The following SLC35F1 variants were observed in gnomAD, a reference collection of about 807,000 sequenced individuals.
SLC35F1 encodes the protein chromosome 6 open reading frame 169.
SLC35F1 carries 14 observed loss-of-function variants against 48.7 expected under a neutral mutation model. The ratio of observed to expected loss-of-function variants is 0.29; its 90% CI spans 0.19 to 0.45. The LOEUF is 0.45. Ranked by LOEUF, SLC35F1 falls within the 20% of genes least tolerant of loss-of-function variation. The pLI, the probability that SLC35F1 is intolerant of heterozygous loss-of-function variation, is 1.00. For synonymous variants in SLC35F1, 190 were observed against 202.2 expected (o/e 0.94, Z 0.51); for missense variants, 404 against 500.0 (o/e 0.81, Z 1.83).
intron 1 of SLC35F1, among the ~76,000 whole-genome samples, chr6:118,009,283 T>A (rs1376684729): frequency 6.6e-6 from 1 of 152,168 alleles, no homozygotes; most frequent in Non-Finnish European, 1.5e-5. Flanking sequence ...AAGATGGTGG[T>A]ACTCTTTAAT....
chr6:118,196,095 A>G (rs1009480445), intron 2 of SLC35F1, among the ~76,000 whole-genome samples: 2 of 152,212 alleles, frequency 1.3e-5, no homozygotes, highest in Non-Finnish European at 1.5e-5. Flanking sequence ...AAAAAAGTAA[A>G]GTGACGTATG....
intron 1 of SLC35F1, among the ~76,000 whole-genome samples, chr6:118,147,340 A>G (rs535513393): frequency 2.0e-5 from 3 of 152,284 alleles, no homozygotes; most frequent in African/African-American, 7.2e-5. Context: ...AGCATGAGAT[A>G]CACAGCCTGG....
At chr6:118,190,967 TAA>T (rs1317678056) in intron 2 of SLC35F1, among the ~76,000 whole-genome samples, 1 of 152,192 alleles carries the variant, frequency 6.6e-6, no homozygotes, top group African/African-American at 2.4e-5. Flanking sequence ...CAAGAGAATT[TAA>T]AGTCTGTTGT....
chr6:118,091,567 C>T (rs1389823029), intron 1 of SLC35F1, among the ~76,000 whole-genome samples: 1 of 152,138 alleles, frequency 6.6e-6, no homozygotes, highest in Non-Finnish European at 1.5e-5. Context: ...CATCTTTTTC[C>T]TGATAAATTA....
At chr6:118,260,255 G>A (rs1775695702) in intron 3 of SLC35F1, among the ~76,000 whole-genome samples, 1 of 152,062 alleles carries the variant, frequency 6.6e-6, no homozygotes. Flanking sequence ...AGTGGGTATG[G>A]AGTTTCTTTT....
At chr6:118,031,830 GT>G (rs1467335841) in intron 1 of SLC35F1, among the ~76,000 whole-genome samples, 1 of 152,144 alleles carries the variant, frequency 6.6e-6, no homozygotes, top group Non-Finnish European at 1.5e-5. Flanking sequence ...GGGTCATCGG[GT>G]CATTGCTATG....
intron 1 of SLC35F1, among the ~76,000 whole-genome samples, chr6:117,933,068 T>C (rs1282296503): frequency 6.6e-6 from 1 of 152,228 alleles, no homozygotes; most frequent in Non-Finnish European, 1.5e-5. Context: ...CACAAAGACT[T>C]CTGATGCTCA....
intron 6 of SLC35F1, among the ~76,000 whole-genome samples, chr6:118,282,055 A>T (rs548800058): frequency 9.2e-5 from 14 of 152,360 alleles, no homozygotes; most frequent in African/African-American, 3.4e-4. Flanking sequence ...AGAACATTCC[A>T]AGAGGAAATG....
At chr6:118,070,991 C>CGTGT (rs375445061) in intron 1 of SLC35F1, among the ~76,000 whole-genome samples, 352 of 7,294 alleles carry the variant, frequency 0.048, 24 homozygotes, top group African/African-American at 0.15. Context: ...ATATATTCTA[C>CGTGT]GTGTGTGTAT....
chr6:118,085,831 GATTTGGGGCCTAA>G (rs1224303694), intron 1 of SLC35F1, among the ~76,000 whole-genome samples: 2 of 152,078 alleles, frequency 1.3e-5, no homozygotes, highest in Non-Finnish European at 2.9e-5. Flanking sequence ...TTGATGGATG[GATTTGGGGCCTAA>G]ATTATCCTGA....
At chr6:118,199,301 G>C (rs893252324) in intron 2 of SLC35F1, among the ~76,000 whole-genome samples, 1 of 152,086 alleles carries the variant, frequency 6.6e-6, no homozygotes, top group Non-Finnish European at 1.5e-5. Flanking sequence ...AGGTCATCTG[G>C]GGACTTGTAC....
At chr6:117,936,409 C>G (rs911983795) in intron 1 of SLC35F1, among the ~76,000 whole-genome samples, 4 of 152,110 alleles carry the variant, frequency 2.6e-5, no homozygotes, top group African/African-American at 9.7e-5. Context: ...AATTACTGGC[C>G]CACTTCCCTA....
At chr6:118,136,714 T>A (rs767641476) in intron 1 of SLC35F1, among the ~76,000 whole-genome samples, 4 of 152,192 alleles carry the variant, frequency 2.6e-5, no homozygotes, top group Non-Finnish European at 4.4e-5. Context: ...TATTCTGGGA[T>A]TGTCAATGGA....
At chr6:118,256,049 C>T (rs987694299) in intron 3 of SLC35F1, among the ~76,000 whole-genome samples, 1 of 152,132 alleles carries the variant, frequency 6.6e-6, no homozygotes, top group African/African-American at 2.4e-5. Context: ...ATACTACTCC[C>T]TGGAATTACA....
intron 1 of SLC35F1, among the ~76,000 whole-genome samples, chr6:118,017,561 A>G (rs1777338874): frequency 6.6e-6 from 1 of 152,200 alleles, no homozygotes; most frequent in South Asian, 2.1e-4. Context: ...GCTCTTCTAA[A>G]TAATGGCAAC....
chr6:118,155,249 C>T (rs1774121801), intron 2 of SLC35F1, among the ~76,000 whole-genome samples: 1 of 152,144 alleles, frequency 6.6e-6, no homozygotes. Flanking sequence ...GGGGATGATT[C>T]AGAGTCATGT....
chr6:117,970,982 A>T (rs1300186352), intron 1 of SLC35F1, among the ~76,000 whole-genome samples: 1 of 152,194 alleles, frequency 6.6e-6, no homozygotes, highest in Non-Finnish European at 1.5e-5. Flanking sequence ...ATGCCTTCTC[A>T]ATAGTCTCCC....
intron 3 of SLC35F1, among the ~76,000 whole-genome samples, chr6:118,261,266 G>A (rs901182438): frequency 6.6e-5 from 10 of 152,128 alleles, no homozygotes; most frequent in Non-Finnish European, 1.5e-4. Flanking sequence ...ATTCTCTCCT[G>A]AAACATCCAG....
At chr6:118,009,607 G>C (rs1266664615) in intron 1 of SLC35F1, among the ~76,000 whole-genome samples, 2 of 152,094 alleles carry the variant, frequency 1.3e-5, no homozygotes, top group African/African-American at 4.8e-5. Context: ...TAGAGGCAAG[G>C]CAGCAATTTG....
Sources: gnomAD v4.1 joint callset for allele counts (sites outside exome capture counted in the v4.1 genomes callset) on GRCh38, gnomAD v4.1.1 for gene constraint, MANE v1.5 for transcripts, NCBI Gene and HGNC (gene_info 2026-07-23, HGNC 2026-07-21) for gene names.